Variants in GLIS3 observed in about 807,000 individuals in gnomAD.
GLIS3 encodes zinc finger protein GLIS3.
In GLIS3, 53 loss-of-function variants were observed where a neutral mutation model predicts 78.6. The ratio of observed to expected loss-of-function variants is 0.67; its 90% confidence interval spans 0.54 to 0.85. The LOEUF (loss-of-function observed/expected upper bound fraction) is 0.85, where lower values mean the gene tolerates loss of function less well. Ranked by LOEUF, GLIS3 falls within the 40% of genes least tolerant of loss-of-function variation. GLIS3 has a pLI of 0.00. For synonymous variants in GLIS3, 684 were observed against 509.9 expected (o/e 1.34, Z -4.60); for missense variants, 1,703 against 1,231.1 (o/e 1.38, Z -5.74).
At chr9:4,016,483 C>T (rs1312932586) in intron 4 of GLIS3, among the ~76,000 whole-genome samples, 2 of 152,028 alleles carry the variant, frequency 1.3e-5, no homozygotes, top group East Asian at 1.9e-4. Flanking sequence ...TTGATGAGCT[C>T]GACATAATAC....
At chr9:3,861,978 T>C (rs368652263) in intron 8 of GLIS3, among the ~76,000 whole-genome samples, 1 of 152,148 alleles carries the variant, frequency 6.6e-6, no homozygotes, top group African/African-American at 2.4e-5. Context: ...AGTGAAGCAT[T>C]TACTCATGTG....
At chr9:4,275,859 A>G (rs1287612287) in intron 2 of GLIS3, among the ~76,000 whole-genome samples, 1 of 152,214 alleles carries the variant, frequency 6.6e-6, no homozygotes, top group Non-Finnish European at 1.5e-5. Context: ...CATACCTAAA[A>G]TGGGGCCGAT....
At chr9:4,309,609 G>C (rs958323900) in intron 3 of GLIS3, among the ~76,000 whole-genome samples, 6 of 152,152 alleles carry the variant, frequency 3.9e-5, no homozygotes, top group African/African-American at 1.4e-4. Context: ...CTTTATAATT[G>C]TGCCTAAGTC....
intron 2 of GLIS3, among the ~76,000 whole-genome samples, chr9:4,197,303 T>A (rs188092811): frequency 6.6e-6 from 1 of 152,080 alleles, no homozygotes; most frequent in Non-Finnish European, 1.5e-5. Context: ...CTCCAGACAT[T>A]TGGAGCACCC....
At chr9:4,342,980 C>G (rs915049924) in intron 2 of GLIS3, among the ~76,000 whole-genome samples, 2 of 152,114 alleles carry the variant, frequency 1.3e-5, no homozygotes, top group African/African-American at 4.8e-5. Context: ...TTTATCAGAT[C>G]TAGGAGCTTT....
intron 2 of GLIS3, among the ~76,000 whole-genome samples, chr9:4,253,476 C>G (rs1265585764): frequency 6.6e-6 from 1 of 152,218 alleles, no homozygotes; most frequent in Non-Finnish European, 1.5e-5. Context: ...CTCGAGCATC[C>G]CAGGTTGACT....
chr9:4,283,545 C>A (rs866446475), intron 2 of GLIS3, among the ~76,000 whole-genome samples: 3 of 152,116 alleles, frequency 2.0e-5, no homozygotes, highest in African/African-American at 7.2e-5. Flanking sequence ...GGATTACAAG[C>A]GTGAGCCATC....
At chr9:4,066,384 G>A (rs1036406462) in intron 4 of GLIS3, among the ~76,000 whole-genome samples, 7 of 152,128 alleles carry the variant, frequency 4.6e-5, no homozygotes, top group African/African-American at 1.4e-4. Flanking sequence ...GATGCTGATA[G>A]GTACGCCTTC....
chr9:4,067,825 C>T (rs983380415), intron 4 of GLIS3, among the ~76,000 whole-genome samples: 7 of 151,390 alleles, frequency 4.6e-5, no homozygotes, highest in African/African-American at 1.7e-4. Flanking sequence ...ATATGGTTAC[C>T]AGCAAAGAAC....
At chr9:3,834,976 T>A (rs1362111763) in intron 9 of GLIS3, among the ~76,000 whole-genome samples, 1 of 152,158 alleles carries the variant, frequency 6.6e-6, no homozygotes, top group African/African-American at 2.4e-5. Context: ...GATGTGCCCT[T>A]GTGGGTCTCC....
At position 3,898,791 on chromosome 9, in the gene GLIS3, G is replaced by T. The variant is rs1823064857; in HGVS notation, c.2028C>A (p.Cys676Ter). 6.2e-7 allele frequency: 1 copy of T among 1,614,038 alleles called. No homozygotes were observed. The highest frequency in any genetic ancestry group is 8.5e-7 in the Non-Finnish European group (1 of 1,180,038). Reference protein sequence around the residue: ...TELHPDLLTDCLTVQSLQPAT... With the variant: ...TELHPDLLTD ...CCGGCTGCAGGGACTGCACGGTGAG[G>T]CAATCTGTGAGCAGGTCTGGATGGA... Residue 676 changes from cysteine to a stop codon, truncating the protein, a stop_gained, in exon 7 of 11, where the codon TGC becomes TGA. Transcript: ENST00000381971. LOFTEE classifies it high-confidence loss of function.
chr9:4,125,297 G>A (rs1832485334), intron 3 of GLIS3, among the ~76,000 whole-genome samples: 1 of 152,184 alleles, frequency 6.6e-6, no homozygotes, highest in Admixed American at 6.5e-5. Flanking sequence ...GTAGCTGGAT[G>A]GATGCACAGA....
the GLIS3 span, among the ~76,000 whole-genome samples, chr9:4,378,274 T>C: frequency 1.1e-4 from 17 of 152,326 alleles, no homozygotes; most frequent in Admixed American, 2.0e-4. Context: ...TAATGCCAGT[T>C]ACATTTCAGT....
At chr9:4,085,689 A>G (rs1256144337) in intron 4 of GLIS3, among the ~76,000 whole-genome samples, 1 of 152,114 alleles carries the variant, frequency 6.6e-6, no homozygotes, top group African/African-American at 2.4e-5. Flanking sequence ...TTTCTCATGA[A>G]TGGTTTAGCG....
chr9:4,425,988 C>T, the GLIS3 span, among the ~76,000 whole-genome samples: 2 of 152,104 alleles, frequency 1.3e-5, no homozygotes, highest in Non-Finnish European at 2.9e-5. Context: ...GATCAAGTAC[C>T]CTTAGAGAAA....
the GLIS3 span, among the ~76,000 whole-genome samples, chr9:4,378,224 T>A: frequency 2.2e-4 from 33 of 152,156 alleles, no homozygotes; most frequent in African/African-American, 8.0e-4. Context: ...ATATAATTAA[T>A]CCTCAGTCTG....
At chr9:3,991,947 C>T (rs570804267) in intron 4 of GLIS3, among the ~76,000 whole-genome samples, 1 of 152,270 alleles carries the variant, frequency 6.6e-6, no homozygotes, top group East Asian at 1.9e-4. Flanking sequence ...GCCTCGGCCT[C>T]CCAAAGTGCT....
chr9:4,256,732 G>C (rs1353566647), intron 2 of GLIS3, among the ~76,000 whole-genome samples: 1 of 152,202 alleles, frequency 6.6e-6, no homozygotes, highest in Non-Finnish European at 1.5e-5. Flanking sequence ...AGGAGAATGA[G>C]TAATTACACA....
chr9:4,166,997 G>C (rs1815908612), intron 2 of GLIS3, among the ~76,000 whole-genome samples: 1 of 152,242 alleles, frequency 6.6e-6, no homozygotes, highest in African/African-American at 2.4e-5. Context: ...TTGAGTGTGA[G>C]GGTCAGGAGA....
Sources: gnomAD v4.1 joint callset for allele counts (sites outside exome capture counted in the v4.1 genomes callset) on GRCh38, gnomAD v4.1.1 for gene constraint, MANE v1.5 for transcripts, NCBI Gene and HGNC (gene_info 2026-07-23, HGNC 2026-07-21) for gene names.